The following H1-8 variants were observed in gnomAD, a reference collection of about 807,000 sequenced individuals.
The protein encoded by H1-8 is histone H1.8.
A neutral mutation model predicts 19.5 loss-of-function variants in H1-8; 13 were observed. The observed-to-expected ratio is 0.67, with a 90% CI of 0.43 to 1.06. H1-8 has a LOEUF of 1.06. Among genes scored for constraint, H1-8 ranks in the 50% least tolerant of loss-of-function variants. The pLI, the probability that H1-8 is intolerant of heterozygous loss-of-function variation, is 0.00. For missense variants in H1-8, 432 were observed against 459.8 expected, an observed-to-expected ratio of 0.94 and a Z score of 0.55; for synonymous variants, 193 against 187.6, an observed-to-expected ratio of 1.03 and a Z score of -0.24.
chr3:129,549,471 G>A (rs1045547723), intron 3 of H1-8, 107 bp downstream of exon 3: 1 of 1,285,262 alleles, frequency 7.8e-7, no homozygotes, highest in Non-Finnish European at 1.1e-6. Context: ...TCTAGTGCAT[G>A]TGTCCTGAGT....
chr3:129,548,733 G>A (rs1028451055), intron 2 of H1-8, among the ~76,000 whole-genome samples: 7 of 152,098 alleles, frequency 4.6e-5, no homozygotes, highest in African/African-American at 1.7e-4. Flanking sequence ...GCAGGGCAGC[G>A]CTTCAGGGTA....
chr3:129,548,881 C>T (rs1469927102), intron 2 of H1-8, 120 bp from the exon 3 acceptor site: 1 of 1,348,978 alleles, frequency 7.4e-7, no homozygotes, highest in Non-Finnish European at 1.0e-6. Context: ...CTCCCTGCCT[C>T]TCACTGCCTG....
chr3:129,547,300 G>A (rs2084895785), intron 1 of H1-8, 91 bp from the exon 2 acceptor site: 3 of 1,334,888 alleles, frequency 2.2e-6, no homozygotes, highest in Non-Finnish European at 2.0e-6. Flanking sequence ...TCTGATCCTT[G>A]CTGGACCCTC....
chr3:129,544,871 C>T (rs1043915806), intron 1 of H1-8, among the ~76,000 whole-genome samples: 3 of 151,930 alleles, frequency 2.0e-5, no homozygotes, highest in Non-Finnish European at 4.4e-5. Context: ...ATGAAACTCC[C>T]GAGAACCCGG....
At chr3:129,544,928 A>G (rs192530034) in intron 1 of H1-8, among the ~76,000 whole-genome samples, 2 of 152,158 alleles carry the variant, frequency 1.3e-5, no homozygotes, top group East Asian at 3.9e-4. Flanking sequence ...CCCCCAAATG[A>G]ATATTCCCAC....
chr3:129,543,436 T>C (rs1170607766), intron 1 of H1-8, 130 bp downstream of exon 1: 1 of 679,716 alleles, frequency 1.5e-6, no homozygotes, highest in Admixed American at 2.2e-5. Context: ...CACCCAGCAC[T>C]CACCCAGCAC....
chr3:129,545,619 C>T (rs138034801), intron 1 of H1-8, among the ~76,000 whole-genome samples: 299 of 152,326 alleles, frequency 2.0e-3, no homozygotes, highest in African/African-American at 6.7e-3. Context: ...CCCTGGCAAC[C>T]ACCAATCTGC....
intron 1 of H1-8, among the ~76,000 whole-genome samples, chr3:129,543,962 A>G (rs1292444255): frequency 1.3e-5 from 2 of 152,118 alleles, no homozygotes; most frequent in African/African-American, 4.8e-5. Context: ...AGCCGGGGGA[A>G]GTGTTCTATT....
At chr3:129,544,900 C>T (rs2084876793) in intron 1 of H1-8, among the ~76,000 whole-genome samples, 1 of 152,076 alleles carries the variant, frequency 6.6e-6, no homozygotes, top group African/African-American at 2.4e-5. Flanking sequence ...CAGGACTACA[C>T]CAGCTCAACG....
Position 129,549,003 on chromosome 3 carries a change from A to C in H1-8, c.381A>C (p.Leu127Phe), listed in dbSNP as rs1169024380. 6.2e-7 allele frequency: 1 copy of C among 1,603,718 alleles called. No individual in the cohort carries two copies. The highest frequency in any genetic ancestry group is 1.3e-5 in the African/African-American group (1 of 74,216). The change falls in exon 3 of 5, where the codon TTA becomes TTC. Residue 127 changes from leucine (L) to phenylalanine (F), a missense_variant and splice_region_variant. Coordinates refer to ENST00000324382, the MANE Select transcript of H1-8 (RefSeq NM_153833.3). ...CCCCACCCCGTGTCCTTCTCCAGTTAGTTCCCAAGCACAAGAAGAAAATCC... is the reference window on the plus strand; with the variant it reads ...CCCCACCCCGTGTCCTTCTCCAGTTCGTTCCCAAGCACAAGAAGAAAATCC... ...KARGATGSFK[L>F]VPKHKKKIQP...
chr3:129,544,356 T>C (rs1218920546), intron 1 of H1-8, among the ~76,000 whole-genome samples: 2 of 150,644 alleles, frequency 1.3e-5, no homozygotes, highest in Non-Finnish European at 3.0e-5. Flanking sequence ...GCGAGGAGAA[T>C]GCATGCGGTG....
chr3:129,551,027 G>A (rs1416012436), intron 4 of H1-8, 80 bp from the exon 5 acceptor site: 3 of 1,289,188 alleles, frequency 2.3e-6, no homozygotes, highest in East Asian at 2.3e-5. Flanking sequence ...GAAGGGCGAT[G>A]TTGTGTACCC....
At chr3:129,543,567 G>A (rs998940725) in intron 1 of H1-8, among the ~76,000 whole-genome samples, 2 of 151,572 alleles carry the variant, frequency 1.3e-5, no homozygotes, top group Non-Finnish European at 3.0e-5. Flanking sequence ...GCTCAGGGAA[G>A]AGCCACAGGG....
At chr3:129,544,722 G>A (rs1468193537) in intron 1 of H1-8, among the ~76,000 whole-genome samples, 1 of 152,054 alleles carries the variant, frequency 6.6e-6, no homozygotes, top group Non-Finnish European at 1.5e-5. Context: ...AGCAGAGGAG[G>A]GGTTGGAGCT....
intron 1 of H1-8, among the ~76,000 whole-genome samples, chr3:129,546,829 C>T (rs911943311): frequency 9.2e-5 from 14 of 152,246 alleles, no homozygotes; most frequent in Admixed American, 3.9e-4. Flanking sequence ...ACATAGCCCC[C>T]GGAGGTCCTG....
At chr3:129,551,000 T>G in intron 4 of H1-8, 107 bp from the exon 5 acceptor site, 1 of 1,082,564 alleles carries the variant, frequency 9.2e-7, no homozygotes, top group South Asian at 1.5e-5. Context: ...ATCTTACAGA[T>G]AAGAGACTAA....
intron 2 of H1-8, chr3:129,548,516 G>A (rs1246786019): frequency 4.0e-6 from 4 of 989,994 alleles, no homozygotes; most frequent in African/African-American, 1.7e-5. Flanking sequence ...CTGAGGGTTG[G>A]GGGACAGGAA....
intron 1 of H1-8, among the ~76,000 whole-genome samples, chr3:129,544,375 G>A (rs1294441275): frequency 6.6e-6 from 1 of 152,064 alleles, no homozygotes; most frequent in East Asian, 1.9e-4. Flanking sequence ...TGGGGAAGAG[G>A]CAGTGGGGAG....
At chr3:129,549,485 G>A (rs764787982) in intron 3 of H1-8, 121 bp downstream of exon 3, 25 of 1,194,338 alleles carry the variant, frequency 2.1e-5, no homozygotes, top group African/African-American at 3.0e-5. Context: ...CCTGAGTGCT[G>A]GGCTTGACCT....
Sources: gnomAD v4.1 joint callset for allele counts (sites outside exome capture counted in the v4.1 genomes callset) on GRCh38, gnomAD v4.1.1 for gene constraint, MANE v1.5 for transcripts, NCBI Gene and HGNC (gene_info 2026-07-23, HGNC 2026-07-21) for gene names.